The following TMEM235 variants were observed in gnomAD, a reference collection of about 807,000 sequenced individuals.
The protein encoded by TMEM235 is claudin-27.
In TMEM235, 23 loss-of-function variants were observed where a neutral mutation model predicts 22.9. The ratio of observed to expected loss-of-function variants is 1.00; its 90% CI spans 0.72 to 1.42. TMEM235 has a LOEUF of 1.42. TMEM235 is among the 40% of genes most tolerant of loss of function. The probability of loss-of-function intolerance (pLI) is 0.00; values close to 1 mark genes in which losing one functional copy is unlikely to be tolerated. For missense variants in TMEM235, 308 were observed against 299.5 expected (o/e 1.03, Z -0.21); for synonymous variants, 137 against 140.5 (o/e 0.98, Z 0.17).
At chr17:78,231,601 G>T in exon 2 of TMEM235, 2 of 1,303,440 alleles carry the variant, frequency 1.5e-6, no homozygotes, top group Non-Finnish European at 2.0e-6. Flanking sequence ...TCCTGGGGTC[G>T]GTCTCTGGCC....
At chr17:78,232,084 C>G in exon 2 of TMEM235, 1 of 1,466,934 alleles carries the variant, frequency 6.8e-7, no homozygotes, top group Non-Finnish European at 9.0e-7. Context: ...CAGCTTCGCG[C>G]TCCTGGCCGC....
Position 78,234,746 on chromosome 17 carries a change from T to G in TMEM235, c.409+16T>G, listed in dbSNP as rs1261456583. On this transcript the variant is annotated intron_variant, in intron 4 of 5. Coordinates refer to ENST00000421688, the Ensembl canonical transcript of TMEM235. ...CTGCTGGGGAGTGAGTCTGGGGCCC[T>G]GGGGGAATGGCTCCAAAGATGGGAG... 1 of 1,535,952 alleles carries G rather than the reference T, an allele frequency of 6.5e-7. No individual in the cohort carries two copies. Among genetic ancestry groups the G allele is most frequent in the South Asian group, 1.2e-5 (1 of 84,048 alleles).
At chr17:78,234,906 A>G (rs1215462867) in intron 4 of TMEM235, among the ~76,000 whole-genome samples, 176 bp downstream of exon 3, 2 of 152,324 alleles carry the variant, frequency 1.3e-5, no homozygotes, top group Admixed American at 6.5e-5. Flanking sequence ...GTACCCATGT[A>G]TATTTGTTCT....
exon 2 of TMEM235, chr17:78,232,186 C>T: frequency 6.7e-7 from 1 of 1,491,062 alleles, no homozygotes; most frequent in South Asian, 1.2e-5. Context: ...GCTCTCCTCG[C>T]ACTCGGGGCT....
chr17:78,236,391 A>G (rs1599044510), intron 4 of TMEM235, among the ~76,000 whole-genome samples: 1 of 152,338 alleles, frequency 6.6e-6, no homozygotes, highest in Middle Eastern at 3.4e-3. Flanking sequence ...ACCCCAGCAC[A>G]GGCTGAGACT....
At chr17:78,234,490 G>T in intron 3 of TMEM235, 103 bp from the exon 3 acceptor site, 10 of 1,489,620 alleles carry the variant, frequency 6.7e-6, no homozygotes, top group Non-Finnish European at 9.0e-6. Context: ...GGCGTCAGCC[G>T]CTTTTCCTGA....
chr17:78,239,715 G>T, intron 5 of TMEM235, 65 bp from the exon 5 acceptor site: 1 of 1,494,894 alleles, frequency 6.7e-7, no homozygotes, highest in Non-Finnish European at 9.0e-7. Context: ...GCAGGACTGG[G>T]CTCCATGCTC....
At position 78,237,380 on chromosome 17, in the gene TMEM235, G is replaced by A. The variant is rs1043285786; in HGVS notation, c.410-1644G>A. Among the ~76,000 whole-genome samples, 1 of 152,170 alleles carries A rather than the reference G, an allele frequency of 6.6e-6. No individual in the cohort carries two copies. The highest frequency in any genetic ancestry group is 2.4e-5 in the African/African-American group (1 of 41,446). The stretch of plus-strand genomic sequence containing the variant: ...GCCCACGGTGACAGAGTCCTTTAGA[G>A]TTTCCCAGCTTGAGGTTGCAGGTGC... On this transcript the variant is annotated intron_variant, in intron 4 of 5. Transcript: ENST00000421688. The surrounding 1 kb of genome is among the most constrained non-coding windows in gnomAD (Gnocchi z 4.7).
At chr17:78,232,810 GTGTGTGTGAGTGAGCA>G (rs763523885) in intron 2 of TMEM235, among the ~76,000 whole-genome samples, 5 of 152,204 alleles carry the variant, frequency 3.3e-5, no homozygotes, top group Non-Finnish European at 7.3e-5. Context: ...GGGCAGGGGT[GTGTGTGTGAGTGAGCA>G]TGTGTGTGCA....
intron 1 of TMEM235, chr17:78,231,352 G>A: frequency 8.4e-7 from 1 of 1,196,776 alleles, no homozygotes; most frequent in Non-Finnish European, 1.1e-6. Flanking sequence ...GTGAGTGACT[G>A]GACAGGCAGA....
chr17:78,238,751 G>A lies in TMEM235; in HGVS notation c.410-273G>A, dbSNP rs1208280096. Among the ~76,000 whole-genome samples the A allele has an allele frequency of 6.6e-6, 1 of 151,940 alleles. No individual in the cohort carries two copies. The highest frequency in any genetic ancestry group is 6.6e-5 in the Admixed American group (1 of 15,240). On this transcript the variant is annotated intron_variant, in intron 4 of 5. Coordinates refer to ENST00000421688, the Ensembl canonical transcript of TMEM235. This position sits in a 1 kb window ranked among gnomAD's most constrained non-coding sequence, Gnocchi z 4.3. Reference sequence around the variant, plus strand: ...ATGGGATGAGGTCTCTGAGGTTTGAGGACTGAATTGGAGCCTCTTAAAGCT... The same window carrying A: ...ATGGGATGAGGTCTCTGAGGTTTGAAGACTGAATTGGAGCCTCTTAAAGCT...
chr17:78,240,615 C>T (rs149927936), exon 6 of TMEM235: 1 of 152,980 alleles, frequency 6.5e-6, no homozygotes, highest in Non-Finnish European at 1.5e-5. Flanking sequence ...GGGGGCCCTT[C>T]CCGAGTCTTG....
chr17:78,239,224 C>T, exon 5 of TMEM235: 1 of 1,543,144 alleles, frequency 6.5e-7, no homozygotes, highest in African/African-American at 1.4e-5. Context: ...GACCCTCAGC[C>T]TGAGCCCCCC....
intron 4 of TMEM235, among the ~76,000 whole-genome samples, chr17:78,236,308 C>A (rs1030008030): frequency 6.6e-6 from 1 of 152,178 alleles, no homozygotes; most frequent in Non-Finnish European, 1.5e-5. Context: ...GCAAGGGTTC[C>A]GGGGTTTGGC....
chr17:78,232,225 C>T lies in TMEM235; in HGVS notation c.190+12C>T. 2.1e-6 allele frequency: 3 copies of T among 1,442,916 alleles called. No individual in the cohort carries two copies. Among genetic ancestry groups the T allele is most frequent in the Non-Finnish European group, 2.7e-6 (3 of 1,102,342 alleles). 89.4% of individuals were successfully genotyped at this position (1,442,916 alleles called of 1,614,324 possible). A position where few individuals can be genotyped will look rare whatever the true frequency, so the allele number is the denominator to read the frequency against. ...GCGCATCTGCGAAGGTAACCGGCCA[C>T]CGCGCCGGCCCTCCTCCCTCCGCGA... On this transcript the variant is annotated intron_variant, in intron 2 of 5. Coordinates refer to ENST00000421688, the Ensembl canonical transcript of TMEM235.
exon 4 of TMEM235, chr17:78,234,721 C>T: frequency 6.5e-7 from 1 of 1,536,054 alleles, no homozygotes; most frequent in Non-Finnish European, 8.7e-7. Flanking sequence ...CTGCTACTTC[C>T]TGCTGGGGAG....
intron 2 of TMEM235, 91 bp downstream of exon 1, chr17:78,232,304 A>G (rs2076591771): frequency 8.0e-7 from 1 of 1,249,698 alleles, no homozygotes; most frequent in East Asian, 3.2e-5. Flanking sequence ...GCCCCGCCAG[A>G]CCCCCTTCCA....
chr17:78,231,474 A>G (rs1444469283), exon 2 of TMEM235: 2 of 1,302,944 alleles, frequency 1.5e-6, no homozygotes, highest in Non-Finnish European at 2.0e-6. Context: ...ACTTCACCGG[A>G]TGCCGTCTGG....
chr17:78,234,822 C>T, intron 4 of TMEM235, 92 bp downstream of exon 3: 3 of 1,481,270 alleles, frequency 2.0e-6, no homozygotes, highest in East Asian at 4.9e-5. Flanking sequence ...TTGCCCTCGT[C>T]CCCTGCTCCC....
Sources: gnomAD v4.1 joint callset for allele counts (sites outside exome capture counted in the v4.1 genomes callset) on GRCh38, gnomAD v4.1.1 for gene constraint, Gnocchi (gnomAD v3.1) non-coding constraint, MANE v1.5 for transcripts, NCBI Gene and HGNC (gene_info 2026-07-23, HGNC 2026-07-21) for gene names.